STK11: variants seen among roughly 807,000 people sequenced by gnomAD.
The protein encoded by STK11 is serine/threonine-protein kinase STK11.
In STK11, 8 loss-of-function variants were observed where a neutral mutation model predicts 47.3. The ratio of observed to expected loss-of-function variants is 0.17; its 90% CI spans 0.10 to 0.31. STK11 has a LOEUF of 0.31. STK11 is among the 10% of genes least tolerant of loss of function. The probability of loss-of-function intolerance (pLI) is 1.00; values close to 1 mark genes in which losing one functional copy is unlikely to be tolerated. For missense variants in STK11, 475 were observed against 605.0 expected (o/e 0.79, Z 2.25); for synonymous variants, 330 against 255.8 (o/e 1.29, Z -2.77).
intron 8 of STK11, chr19:1,225,775 G>A (rs1013447227): frequency 1.9e-5 from 19 of 985,432 alleles, no homozygotes; most frequent in Admixed American, 6.1e-5. Context: ...GTGTGTTCGC[G>A]GAGTCCTCGC....
At chr19:1,216,644 A>G (rs1233544639) in intron 1 of STK11, among the ~76,000 whole-genome samples, 4 of 151,482 alleles carry the variant, frequency 2.6e-5, no homozygotes, top group Non-Finnish European at 4.4e-5. Context: ...AGGTGGGCAG[A>G]TGACTTGAGC....
intron 8 of STK11, chr19:1,225,651 C>T: frequency 2.0e-6 from 2 of 985,526 alleles, no homozygotes; most frequent in Admixed American, 6.1e-5. Context: ...GAGTCAGCCA[C>T]TGGTCCATTC....
Position 1,227,647 on chromosome 19 carries a change from G to A in STK11, c.*71G>A, listed in dbSNP as rs1238782515. On this transcript the variant is annotated 3_prime_UTR_variant, in exon 10 of 10. Coordinates refer to ENST00000326873, the MANE Select transcript of STK11 (RefSeq NM_000455.5). ...GCGCCAGGCCCTCAGTCTTCCTGCC[G>A]GTTCCGCCCGCCCTCCCGGAGAGGT... 1.9e-6 allele frequency: 2 copies of A among 1,067,742 alleles called. No homozygotes were observed. Among genetic ancestry groups the A allele is most frequent in the Non-Finnish European group, 2.3e-6 (2 of 880,922 alleles). 66.1% of individuals were successfully genotyped at this position (1,067,742 alleles called of 1,614,324 possible). A position where few individuals can be genotyped will look rare whatever the true frequency, so the allele number is the denominator to read the frequency against.
rs1057521938 is a variant in STK11 at position 1,207,081 on chromosome 19, G to C, written c.168G>C (p.Gly56=). 6.2e-7 allele frequency: 1 copy of C among 1,613,988 alleles called. No individual in the cohort carries two copies. Among genetic ancestry groups the C allele is most frequent in the Non-Finnish European group, 8.5e-7 (1 of 1,179,894 alleles). Residue 56 remains glycine, a synonymous_variant, in exon 1 of 10, where the codon GGG becomes GGC. Transcript: ENST00000326873. ...AGTACCTGATGGGGGACCTGCTGGGGGAAGGCTCTTACGGCAAGGTGAAGG... is the reference window on the plus strand; with the variant it reads ...AGTACCTGATGGGGGACCTGCTGGGCGAAGGCTCTTACGGCAAGGTGAAGG... ...IGKYLMGDLL[G]EGSYGKVKEV...
At chr19:1,223,699 CTCAG>C in intron 8 of STK11, 4 of 1,044,616 alleles carry the variant, frequency 3.8e-6, no homozygotes, top group Non-Finnish European at 4.6e-6. Context: ...AGAGCGAGGG[CTCAG>C]ACCTTTCAGG....
intron 1 of STK11, 51 bp downstream of exon 1, chr19:1,207,254 G>C (rs1030682373): frequency 3.2e-6 from 5 of 1,545,638 alleles, no homozygotes; most frequent in South Asian, 2.4e-5. Flanking sequence ...TCACGGTGCT[G>C]ATGGTTCTGT....
At chr19:1,208,828 G>A (rs2080689068) in intron 1 of STK11, among the ~76,000 whole-genome samples, 1 of 140,458 alleles carries the variant, frequency 7.1e-6, no homozygotes, top group Non-Finnish European at 1.5e-5. Context: ...TCACCATCTT[G>A]GCCAGGTTGG....
chr19:1,226,839 C>CG, intron 9 of STK11, 176 bp downstream of exon 9: 1 of 770,094 alleles, frequency 1.3e-6, no homozygotes, highest in South Asian at 2.1e-5. Flanking sequence ...GGTGCCGTCT[C>CG]GGGGCCTGGT....
At chr19:1,221,766 T>A in intron 6 of STK11, 183 bp from the exon 7 acceptor site, 1 of 674,550 alleles carries the variant, frequency 1.5e-6, no homozygotes, top group Non-Finnish European at 2.5e-6. Flanking sequence ...GCGCACAGGC[T>A]GTCCCCGGCA....
At chr19:1,213,899 A>G (rs2080728144) in intron 1 of STK11, among the ~76,000 whole-genome samples, 1 of 152,156 alleles carries the variant, frequency 6.6e-6, no homozygotes, top group African/African-American at 2.4e-5. Context: ...GGCCAGGCCC[A>G]TCTCTTCCCT....
At chr19:1,223,316 C>T (rs2080799316) in intron 8 of STK11, 144 bp downstream of exon 8, 3 of 1,061,782 alleles carry the variant, frequency 2.8e-6, no homozygotes, top group South Asian at 1.5e-5. Context: ...AGCCCACCTG[C>T]AGGCTGCCTC....
intron 1 of STK11, among the ~76,000 whole-genome samples, chr19:1,207,510 G>A (rs144637399): frequency 6.6e-6 from 1 of 152,306 alleles, no homozygotes; most frequent in Non-Finnish European, 1.5e-5. Context: ...CCTAAGACTA[G>A]CCCCTTGGCT....
At chr19:1,222,690 C>T (rs1057157826) in intron 7 of STK11, among the ~76,000 whole-genome samples, 1 of 152,240 alleles carries the variant, frequency 6.6e-6, no homozygotes, top group Admixed American at 6.5e-5. Flanking sequence ...CCCAGACCCC[C>T]TTCTGGCCTT....
chr19:1,226,301 C>T (rs2080820102), intron 8 of STK11, 153 bp from the exon 9 acceptor site: 2 of 1,451,530 alleles, frequency 1.4e-6, no homozygotes, highest in African/African-American at 1.4e-5. Flanking sequence ...TGGGGGGCAG[C>T]ATTTCAGGCT....
intron 1 of STK11, among the ~76,000 whole-genome samples, chr19:1,210,786 C>T (rs948588668): frequency 2.6e-5 from 4 of 151,644 alleles, no homozygotes; most frequent in African/African-American, 7.3e-5. Context: ...CACTTGAACC[C>T]GGGAAGCAGA....
rs376969448 is a variant in STK11 at position 1,218,492 on chromosome 19, G to A, written c.366G>A (p.Lys122=). The A allele has an allele frequency of 4.8e-5, 77 of 1,613,418 alleles. No individual in the cohort carries two copies. Among genetic ancestry groups the A allele is most frequent in the Non-Finnish European group, 5.8e-5 (68 of 1,179,766 alleles). Residue 122 remains lysine, a synonymous_variant, in exon 2 of 10, where the codon AAG becomes AAA. Coordinates refer to ENST00000326873, the MANE Select transcript of STK11 (RefSeq NM_000455.5). The stretch of plus-strand genomic sequence containing the variant: ...TGGATGTGTTATACAACGAAGAGAA[G>A]CAGAAAATATATCCTTTCCGGTGTT... ...QLVDVLYNEE[K]QKMYMVMEYC...
At chr19:1,226,135 T>C in intron 8 of STK11, 1 of 1,196,902 alleles carries the variant, frequency 8.4e-7, no homozygotes, top group Non-Finnish European at 1.0e-6. Context: ...GGTCCTGCCT[T>C]GTCAGCTTGC....
intron 1 of STK11, among the ~76,000 whole-genome samples, chr19:1,208,315 T>C (rs2080683475): frequency 6.7e-6 from 1 of 149,678 alleles, no homozygotes; most frequent in African/African-American, 2.4e-5. Flanking sequence ...CATTTTTTTT[T>C]TTTTTTTTTT....
chr19:1,219,728 G>T (rs763037942), intron 3 of STK11, among the ~76,000 whole-genome samples: 1 of 152,018 alleles, frequency 6.6e-6, no homozygotes, highest in Non-Finnish European at 1.5e-5. Flanking sequence ...TGTATTTTTA[G>T]TAGAGACGGG....
Sources: gnomAD v4.1 joint callset for allele counts (sites outside exome capture counted in the v4.1 genomes callset) on GRCh38, gnomAD v4.1.1 for gene constraint, MANE v1.5 for transcripts, NCBI Gene and HGNC (gene_info 2026-07-23, HGNC 2026-07-21) for gene names.